Variants in PRKG1 observed in about 807,000 individuals in gnomAD.
The protein encoded by PRKG1 is cGMP-dependent protein kinase 1.
PRKG1 carries 35 observed loss-of-function variants against 88.1 expected under a neutral mutation model. That is an observed-to-expected ratio of 0.40 (90% CI 0.30 to 0.53). The LOEUF (loss-of-function observed/expected upper bound fraction) is 0.53, where lower values mean the gene tolerates loss of function less well. Among genes scored for constraint, PRKG1 ranks in the 20% least tolerant of loss-of-function variants. PRKG1 has a pLI of 0.59. For missense variants in PRKG1, 540 were observed against 839.8 expected (o/e 0.64, Z 4.41); for synonymous variants, 303 against 292.5 (o/e 1.04, Z -0.37).
At chr10:52,182,540 T>G (rs1275259430) in intron 9 of PRKG1, among the ~76,000 whole-genome samples, 1 of 107,596 alleles carries the variant, frequency 9.3e-6, no homozygotes, top group Non-Finnish European at 1.9e-5. Context: ...AATGCCTAGG[T>G]TTTCTTCTAG....
intron 2 of PRKG1, among the ~76,000 whole-genome samples, chr10:51,393,359 T>C (rs1385949122): frequency 6.8e-6 from 1 of 147,618 alleles, no homozygotes; most frequent in Non-Finnish European, 1.5e-5. Context: ...CGGGCAGAGA[T>C]GTTCCTCACT....
chr10:51,430,781 G>A (rs1306282719), intron 2 of PRKG1, among the ~76,000 whole-genome samples: 1 of 152,136 alleles, frequency 6.6e-6, no homozygotes, highest in Non-Finnish European at 1.5e-5. Context: ...AGGAATGAAT[G>A]AACTACAACA....
chr10:51,598,198 C>T (rs1838505514), intron 3 of PRKG1, among the ~76,000 whole-genome samples: 1 of 152,000 alleles, frequency 6.6e-6, no homozygotes, highest in Non-Finnish European at 1.5e-5. Flanking sequence ...CTACTAGCAT[C>T]TAAAGACTAC....
chr10:51,605,107 G>A (rs1030652945), intron 3 of PRKG1, among the ~76,000 whole-genome samples: 3 of 152,102 alleles, frequency 2.0e-5, no homozygotes, highest in Non-Finnish European at 4.4e-5. Flanking sequence ...TACTCCCCTC[G>A]GCATCTGCGT....
intron 2 of PRKG1, among the ~76,000 whole-genome samples, chr10:51,352,752 GA>G (rs1046059897): frequency 4.0e-5 from 6 of 151,686 alleles, no homozygotes; most frequent in Middle Eastern, 3.4e-3. Flanking sequence ...CATAGAAATA[GA>G]AAAAAAATCC....
At chr10:51,801,459 C>T (rs1434965655) in intron 3 of PRKG1, among the ~76,000 whole-genome samples, 1 of 152,092 alleles carries the variant, frequency 6.6e-6, no homozygotes, top group Non-Finnish European at 1.5e-5. Context: ...TTGTCTACCT[C>T]TGTACTAGAT....
At chr10:51,858,551 G>T (rs1394163678) in intron 4 of PRKG1, among the ~76,000 whole-genome samples, 4 of 142,472 alleles carry the variant, frequency 2.8e-5, no homozygotes, top group Non-Finnish European at 6.0e-5. Flanking sequence ...TGAACATATT[G>T]CAGATTCTAA....
At chr10:52,292,490 GT>G (rs1461774520) in intron 17 of PRKG1, among the ~76,000 whole-genome samples, 1 of 151,912 alleles carries the variant, frequency 6.6e-6, no homozygotes, top group Non-Finnish European at 1.5e-5. Flanking sequence ...TGGCTAGCCA[GT>G]TTTCCCAGCA....
rs74569176 is a variant in PRKG1 at position 51,932,538 on chromosome 10, G to A, written c.762+24968G>A. 3.1e-3 allele frequency among the ~76,000 whole-genome samples: 478 copies of A among 152,190 alleles called. 1 individual carries two copies. Among genetic ancestry groups the A allele is most frequent in the African/African-American group, 0.011 (449 of 41,532 alleles). On this transcript the variant is annotated intron_variant, in intron 5 of 17. Transcript: ENST00000373980. ...GGATCTAGATCTGCTATACTGCCACGGCCAGGTTTTAATTTTTATGCTGCT... is the reference window on the plus strand; with the variant it reads ...GGATCTAGATCTGCTATACTGCCACAGCCAGGTTTTAATTTTTATGCTGCT...
chr10:50,994,919 TGTTATAA>T (rs1177094782), intron 1 of PRKG1, among the ~76,000 whole-genome samples: 1 of 151,950 alleles, frequency 6.6e-6, no homozygotes, highest in Non-Finnish European at 1.5e-5. Flanking sequence ...TTGCATTAGG[TGTTATAA>T]GTAATCTAGA....
intron 2 of PRKG1, among the ~76,000 whole-genome samples, chr10:51,420,622 G>C (rs1231289301): frequency 6.6e-6 from 1 of 152,116 alleles, no homozygotes; most frequent in East Asian, 1.9e-4. Flanking sequence ...GGCTGACAAA[G>C]GTTTCACAAC....
At chr10:51,802,670 C>A (rs898295001) in intron 3 of PRKG1, among the ~76,000 whole-genome samples, 1 of 151,956 alleles carries the variant, frequency 6.6e-6, no homozygotes, top group Admixed American at 6.6e-5. Flanking sequence ...TCTCTGAAGG[C>A]ATATACAAAT....
intron 5 of PRKG1, among the ~76,000 whole-genome samples, chr10:51,914,968 A>G (rs1318812342): frequency 7.2e-5 from 11 of 152,254 alleles, no homozygotes; most frequent in Non-Finnish European, 1.5e-5. Context: ...TTGCTTAATG[A>G]TATAGTAGGA....
At chr10:51,036,293 G>A (rs548942406) in intron 1 of PRKG1, among the ~76,000 whole-genome samples, 39 of 152,206 alleles carry the variant, frequency 2.6e-4, no homozygotes, top group African/African-American at 9.2e-4. Flanking sequence ...TGCTTGGCTG[G>A]TAAAGGGTAT....
At chr10:51,046,005 A>G (rs1391883245) in intron 1 of PRKG1, among the ~76,000 whole-genome samples, 4 of 152,350 alleles carry the variant, frequency 2.6e-5, no homozygotes, top group Admixed American at 6.5e-5. Context: ...TTACTAAGCA[A>G]TGTAATTCAG....
intron 5 of PRKG1, among the ~76,000 whole-genome samples, chr10:51,917,752 T>C (rs185023587): frequency 6.6e-6 from 1 of 152,314 alleles, no homozygotes; most frequent in Admixed American, 6.5e-5. Context: ...CTATCTGAGA[T>C]TCTGTATTTA....
At chr10:52,060,964 T>C (rs910307243) in intron 6 of PRKG1, among the ~76,000 whole-genome samples, 11 of 152,044 alleles carry the variant, frequency 7.2e-5, no homozygotes, top group Non-Finnish European at 1.3e-4. Context: ...TATAATGGAA[T>C]GCTGTTTAAA....
At chr10:52,266,385 G>C (rs532149773) in intron 10 of PRKG1, among the ~76,000 whole-genome samples, 1 of 151,426 alleles carries the variant, frequency 6.6e-6, no homozygotes, top group South Asian at 2.1e-4. Context: ...GCTCTCCCCC[G>C]ACAGACCCCA....
At chr10:51,347,905 C>A (rs1842149610) in intron 2 of PRKG1, among the ~76,000 whole-genome samples, 2 of 151,220 alleles carry the variant, frequency 1.3e-5, no homozygotes, top group South Asian at 4.2e-4. Flanking sequence ...ACTAAAAATA[C>A]AAAAAAAATT....
Sources: gnomAD v4.1 joint callset for allele counts (sites outside exome capture counted in the v4.1 genomes callset) on GRCh38, gnomAD v4.1.1 for gene constraint, MANE v1.5 for transcripts, NCBI Gene and HGNC (gene_info 2026-07-23, HGNC 2026-07-21) for gene names.